The following MAGI2 variants were observed in gnomAD, a reference collection of about 807,000 sequenced individuals.
MAGI2 encodes membrane-associated guanylate kinase, WW and PDZ domain-containing protein 2.
In MAGI2, 35 loss-of-function variants were observed where a neutral mutation model predicts 133.3. The observed-to-expected ratio is 0.26, with a 90% CI of 0.20 to 0.35. The LOEUF is 0.35. Among genes scored for constraint, MAGI2 ranks in the 10% least tolerant of loss-of-function variants. The pLI, the probability that MAGI2 is intolerant of heterozygous loss-of-function variation, is 1.00. For missense variants in MAGI2, 1,636 were observed against 1,863.4 expected (o/e 0.88, Z 2.25); for synonymous variants, 729 against 710.6 (o/e 1.03, Z -0.41).
At chr7:78,904,443 A>G (rs772553590) in intron 2 of MAGI2, among the ~76,000 whole-genome samples, 4 of 152,124 alleles carry the variant, frequency 2.6e-5, no homozygotes, top group Non-Finnish European at 4.4e-5. Flanking sequence ...CTGTTAGAAG[A>G]TCATACATTT....
chr7:79,430,229 T>C (rs575464872), intron 1 of MAGI2, among the ~76,000 whole-genome samples: 15 of 152,300 alleles, frequency 9.8e-5, no homozygotes, highest in Non-Finnish European at 1.9e-4. Context: ...TAGTTATTTC[T>C]TTACTTTATT....
intron 9 of MAGI2, among the ~76,000 whole-genome samples, chr7:78,342,805 G>A (rs532187994): frequency 2.0e-5 from 3 of 152,254 alleles, no homozygotes; most frequent in African/African-American, 7.2e-5. Context: ...ACTGGGGCCT[G>A]TTGGTAGATG....
At chr7:79,328,198 C>T (rs1462771836) in intron 1 of MAGI2, among the ~76,000 whole-genome samples, 1 of 152,076 alleles carries the variant, frequency 6.6e-6, no homozygotes, top group Non-Finnish European at 1.5e-5. Flanking sequence ...CAAATAGATG[C>T]AAATTAAAAC....
chr7:78,719,829 G>A (rs1229637946), intron 2 of MAGI2, among the ~76,000 whole-genome samples: 1 of 152,052 alleles, frequency 6.6e-6, no homozygotes, highest in Non-Finnish European at 1.5e-5. Flanking sequence ...TTTTCTAGAG[G>A]GTAGTTGTTT....
chr7:78,410,218 G>A (rs59853971), intron 6 of MAGI2, among the ~76,000 whole-genome samples: 2,540 of 152,136 alleles, frequency 0.017, 77 homozygotes, highest in African/African-American at 0.058. Context: ...TTGAAATATA[G>A]GAAATAGTTG....
chr7:78,166,832 T>G (rs1490778985), intron 15 of MAGI2, among the ~76,000 whole-genome samples: 1 of 151,896 alleles, frequency 6.6e-6, no homozygotes, highest in East Asian at 1.9e-4. Context: ...GGGAGAGGAT[T>G]GTGGTTGAAT....
intron 1 of MAGI2, among the ~76,000 whole-genome samples, chr7:79,187,122 A>C (rs1459426635): frequency 6.6e-6 from 1 of 151,626 alleles, no homozygotes; most frequent in African/African-American, 2.4e-5. Context: ...AAAATATTTT[A>C]ACAGAGATGA....
chr7:78,041,989 G>A (rs997437430), intron 21 of MAGI2, among the ~76,000 whole-genome samples: 1 of 152,206 alleles, frequency 6.6e-6, no homozygotes, highest in Non-Finnish European at 1.5e-5. Flanking sequence ...CGGACTGGCA[G>A]AGCTGCTCCC....
intron 1 of MAGI2, among the ~76,000 whole-genome samples, chr7:79,130,580 C>T (rs1820844770): frequency 1.3e-5 from 2 of 152,180 alleles, no homozygotes; most frequent in African/African-American, 2.4e-5. Context: ...AGTCTAGTGT[C>T]TACTTCATCT....
chr7:78,855,714 T>C (rs567054806), intron 2 of MAGI2, among the ~76,000 whole-genome samples: 9 of 152,346 alleles, frequency 5.9e-5, no homozygotes, highest in African/African-American at 2.2e-4. Context: ...GCAATAAACA[T>C]ACATGTGCAT....
rs1839816314 is a variant in MAGI2 at position 79,327,908 on chromosome 7, A to G, written c.301+125112T>C. ...CAAAGTTTTGGTTTTGGTATTTTTA[A>G]ACTTGTATCAAATATTCACTTATAT... is the stretch of plus-strand genomic sequence containing the variant. On this transcript the variant is annotated intron_variant, in intron 1 of 21. Coordinates refer to ENST00000354212, the MANE Select transcript of MAGI2 (RefSeq NM_012301.4). 2.6e-5 allele frequency among the ~76,000 whole-genome samples: 4 copies of G among 152,144 alleles called. No individual in the cohort carries two copies. In the South Asian group the frequency reaches 8.3e-4, roughly 31 times the overall value.
At chr7:78,153,616 G>A (rs1300291050) in intron 16 of MAGI2, among the ~76,000 whole-genome samples, 2 of 152,178 alleles carry the variant, frequency 1.3e-5, no homozygotes, top group Non-Finnish European at 2.9e-5. Context: ...CAAAGTGTTA[G>A]GAGCCATTTT....
At chr7:78,294,108 C>A (rs1165787294) in intron 9 of MAGI2, among the ~76,000 whole-genome samples, 2 of 152,060 alleles carry the variant, frequency 1.3e-5, no homozygotes, top group Non-Finnish European at 2.9e-5. Flanking sequence ...TTAGGAAATA[C>A]TTGCCATTTT....
intron 1 of MAGI2, among the ~76,000 whole-genome samples, chr7:79,249,593 A>G (rs1372259817): frequency 6.6e-6 from 1 of 152,176 alleles, no homozygotes; most frequent in African/African-American, 2.4e-5. Flanking sequence ...CCAATATTGA[A>G]CAATGAAGAA....
intron 2 of MAGI2, among the ~76,000 whole-genome samples, chr7:78,975,733 G>A (rs559090913): frequency 1.3e-4 from 19 of 151,506 alleles, no homozygotes; most frequent in African/African-American, 3.1e-4. Flanking sequence ...ACTAAAGCTC[G>A]TTCTTTGGAA....
chr7:78,147,883 T>C (rs1823473920), intron 16 of MAGI2, among the ~76,000 whole-genome samples: 1 of 151,618 alleles, frequency 6.6e-6, no homozygotes, highest in South Asian at 2.1e-4. Flanking sequence ...TATGCACCTA[T>C]TGGAATGGCT....
chr7:78,659,591 T>A (rs1812709259), intron 2 of MAGI2, among the ~76,000 whole-genome samples: 2 of 151,650 alleles, frequency 1.3e-5, no homozygotes, highest in Non-Finnish European at 1.5e-5. Flanking sequence ...CATGAAAAAA[T>A]TATAGAAATG....
At chr7:79,250,941 A>C (rs1211453156) in intron 1 of MAGI2, among the ~76,000 whole-genome samples, 1 of 152,208 alleles carries the variant, frequency 6.6e-6, no homozygotes, top group Non-Finnish European at 1.5e-5. Context: ...CCATACATCT[A>C]CAGTGAACTC....
chr7:79,180,223 A>T (rs1826489879), intron 1 of MAGI2, among the ~76,000 whole-genome samples: 1 of 152,056 alleles, frequency 6.6e-6, no homozygotes, highest in Non-Finnish European at 1.5e-5. Flanking sequence ...ATCTTGCCCC[A>T]TTTAGAATAG....
Sources: gnomAD v4.1 joint callset for allele counts (sites outside exome capture counted in the v4.1 genomes callset) on GRCh38, gnomAD v4.1.1 for gene constraint, MANE v1.5 for transcripts, NCBI Gene and HGNC (gene_info 2026-07-23, HGNC 2026-07-21) for gene names.